GRID2: variants seen among roughly 807,000 people sequenced by gnomAD.
GRID2 encodes glutamate ionotropic receptor delta type subunit 2, also known as glutamate receptor ionotropic, delta-2.
Under a neutral mutation model 114.8 loss-of-function variants are expected in GRID2, and 33 were observed. The ratio of observed to expected loss-of-function variants is 0.29; its 90% CI spans 0.22 to 0.38. The LOEUF (loss-of-function observed/expected upper bound fraction) is 0.38. Among genes scored for constraint, GRID2 ranks in the 10% least tolerant of loss-of-function variants. The pLI, the probability that GRID2 is intolerant of heterozygous loss-of-function variation, is 1.00. For missense variants in GRID2, 1,184 were observed against 1,257.7 expected (o/e 0.94, Z 0.89); for synonymous variants, 505 against 449.9 (o/e 1.12, Z -1.55).
At chr4:92,963,044 A>T (rs1752923789) in intron 2 of GRID2, among the ~76,000 whole-genome samples, 1 of 152,004 alleles carries the variant, frequency 6.6e-6, no homozygotes, top group Admixed American at 6.6e-5. Context: ...ATGCAATAGC[A>T]CTATGTCTAA....
chr4:93,685,088 A>G (rs934079852), intron 14 of GRID2, among the ~76,000 whole-genome samples: 1 of 152,058 alleles, frequency 6.6e-6, no homozygotes. Context: ...TAAAAAGGAA[A>G]AAAAGGCAAA....
At chr4:93,273,470 C>A (rs1019600621) in intron 8 of GRID2, among the ~76,000 whole-genome samples, 20 of 151,048 alleles carry the variant, frequency 1.3e-4, no homozygotes, top group South Asian at 4.2e-4. Context: ...TCCCCCCCCC[C>A]AAAAAATATC....
chr4:93,158,372 G>C (rs190213159), intron 4 of GRID2, among the ~76,000 whole-genome samples: 80 of 151,844 alleles, frequency 5.3e-4, no homozygotes, highest in African/African-American at 1.8e-3. Flanking sequence ...GCCTCCAATA[G>C]TACCATTATC....
intron 9 of GRID2, among the ~76,000 whole-genome samples, chr4:93,411,340 C>A (rs1197396528): frequency 6.6e-6 from 1 of 151,862 alleles, no homozygotes; most frequent in African/African-American, 2.4e-5. Flanking sequence ...CAATTTCAAA[C>A]ATGTACACAC....
intron 4 of GRID2, among the ~76,000 whole-genome samples, chr4:93,200,599 A>G (rs2149460210): frequency 6.6e-6 from 1 of 152,164 alleles, no homozygotes; most frequent in East Asian, 1.9e-4. Context: ...ACAAAAAAAC[A>G]TTACATATAC....
chr4:92,964,847 C>G (rs1425237785), intron 2 of GRID2, among the ~76,000 whole-genome samples: 1 of 152,006 alleles, frequency 6.6e-6, no homozygotes, highest in East Asian at 1.9e-4. Flanking sequence ...ATTCAGACCA[C>G]TGAAACTTTC....
intron 8 of GRID2, among the ~76,000 whole-genome samples, chr4:93,323,257 C>T (rs2149213043): frequency 6.6e-6 from 1 of 152,308 alleles, no homozygotes; most frequent in East Asian, 1.9e-4. Context: ...TTTCAGCTTT[C>T]TACATATGGC....
rs1302951443 is a variant in GRID2, at chr4:93,192,669, C to T, written c.736-14735C>T. ...GGCTGAGGCAGGAGAATTGCTTGAA[C>T]CTGGGAGGCAGAGGTTGCAGTGAGC... On this transcript the variant is annotated intron_variant, in intron 4 of 15. Coordinates refer to ENST00000282020, the MANE Select transcript of GRID2 (RefSeq NM_001510.4). Among the ~76,000 whole-genome samples, 4 of 150,412 alleles carry T rather than the reference C, an allele frequency of 2.7e-5. No individual in the cohort carries two copies. In the South Asian group the frequency reaches 8.4e-4, roughly 32 times the overall value.
intron 9 of GRID2, among the ~76,000 whole-genome samples, chr4:93,414,685 T>TTTTATATATATA (rs377743754): frequency 4.3e-5 from 6 of 140,574 alleles, no homozygotes; most frequent in African/African-American, 1.6e-4. Context: ...ATCTGACATT[T>TTTTATATATATA]TATATATATA....
chr4:93,040,983 T>G (rs1725463135), intron 2 of GRID2, among the ~76,000 whole-genome samples: 1 of 152,084 alleles, frequency 6.6e-6, no homozygotes, highest in Non-Finnish European at 1.5e-5. Flanking sequence ...TATGAAAACC[T>G]GAAACTGTAA....
At chr4:92,750,939 ATAAT>A (rs1205455153) in intron 2 of GRID2, among the ~76,000 whole-genome samples, 3 of 151,906 alleles carry the variant, frequency 2.0e-5, no homozygotes, top group Middle Eastern at 3.2e-3. Context: ...TCAAATATAA[ATAAT>A]GAGATGATTT....
intron 1 of GRID2, among the ~76,000 whole-genome samples, chr4:92,396,448 T>C (rs1370380798): frequency 2.0e-5 from 3 of 151,992 alleles, no homozygotes; most frequent in Non-Finnish European, 2.9e-5. Context: ...CTAATGATCT[T>C]ATTTATGAGA....
chr4:93,604,745 A>G (rs1740035225), intron 13 of GRID2, among the ~76,000 whole-genome samples: 2 of 152,220 alleles, frequency 1.3e-5, no homozygotes, highest in African/African-American at 2.4e-5. Context: ...AGCCATCAAC[A>G]TGGAAGCAAG....
At chr4:93,068,336 A>T (rs543411667) in intron 2 of GRID2, among the ~76,000 whole-genome samples, 1 of 152,232 alleles carries the variant, frequency 6.6e-6, no homozygotes, top group East Asian at 1.9e-4. Flanking sequence ...TAAAGTAAAG[A>T]GTGATCATAG....
intron 13 of GRID2, among the ~76,000 whole-genome samples, chr4:93,525,592 T>A (rs1040256408): frequency 6.6e-5 from 10 of 152,238 alleles, no homozygotes; most frequent in African/African-American, 2.2e-4. Flanking sequence ...TTCTTCCATA[T>A]TTTAAAATTG....
intron 2 of GRID2, among the ~76,000 whole-genome samples, chr4:92,754,963 C>A (rs938281606): frequency 2.6e-5 from 4 of 152,104 alleles, no homozygotes; most frequent in Admixed American, 6.5e-5. Context: ...CTTTTCTGTG[C>A]GTGTGCATAC....
intron 1 of GRID2, among the ~76,000 whole-genome samples, chr4:92,576,614 T>C (rs915944922): frequency 1.3e-5 from 2 of 152,172 alleles, no homozygotes; most frequent in Admixed American, 6.5e-5. Context: ...CCTGGATCTC[T>C]GCATGTGCCT....
intron 1 of GRID2, among the ~76,000 whole-genome samples, chr4:92,366,860 A>G (rs1310955383): frequency 6.6e-6 from 1 of 152,074 alleles, no homozygotes; most frequent in Non-Finnish European, 1.5e-5. Context: ...TCTGCACAGC[A>G]AAAGAAACAA....
chr4:93,647,696 T>A (rs1370948413), intron 14 of GRID2, among the ~76,000 whole-genome samples: 1 of 152,200 alleles, frequency 6.6e-6, no homozygotes, highest in Non-Finnish European at 1.5e-5. Flanking sequence ...TATATACTGA[T>A]GGCTTAGACT....
Sources: gnomAD v4.1 joint callset for allele counts (sites outside exome capture counted in the v4.1 genomes callset) on GRCh38, gnomAD v4.1.1 for gene constraint, MANE v1.5 for transcripts, NCBI Gene and HGNC (gene_info 2026-07-23, HGNC 2026-07-21) for gene names.